BMPR2: variants seen among roughly 807,000 people sequenced by gnomAD.
The protein encoded by BMPR2 is bone morphogenetic protein receptor type 2.
In BMPR2, 29 loss-of-function variants were observed where a neutral mutation model predicts 100.8. That is an observed-to-expected ratio of 0.29 (90% CI 0.21 to 0.39). The LOEUF (loss-of-function observed/expected upper bound fraction) is 0.39, where lower values mean the gene tolerates loss of function less well. Among genes scored for constraint, BMPR2 ranks in the 10% least tolerant of loss-of-function variants. BMPR2 has a pLI of 1.00. For synonymous variants in BMPR2, 382 were observed against 442.3 expected, an observed-to-expected ratio of 0.86 and a Z score of 1.71; for missense variants, 1,011 against 1,274.5, an observed-to-expected ratio of 0.79 and a Z score of 3.15.
chr2:202,391,203 T>C (rs946115359), intron 1 of BMPR2, among the ~76,000 whole-genome samples: 1 of 151,914 alleles, frequency 6.6e-6, no homozygotes, highest in African/African-American at 2.4e-5. Context: ...CTCGAACTCC[T>C]GACCTCAGGT....
intron 11 of BMPR2, among the ~76,000 whole-genome samples, chr2:202,553,480 A>G (rs1013052710): frequency 3.3e-5 from 5 of 152,166 alleles, no homozygotes; most frequent in African/African-American, 7.2e-5. Flanking sequence ...AAGGCTTTTT[A>G]AAAATTCCTA....
At chr2:202,535,541 G>C (rs1206012292) in intron 9 of BMPR2, among the ~76,000 whole-genome samples, 1 of 151,246 alleles carries the variant, frequency 6.6e-6, no homozygotes, top group African/African-American at 2.4e-5. Context: ...GCCAGGAAGA[G>C]GTGCTCCTCA....
chr2:202,384,812 C>T (rs1185090687), intron 1 of BMPR2, among the ~76,000 whole-genome samples: 3 of 151,890 alleles, frequency 2.0e-5, no homozygotes, highest in African/African-American at 7.3e-5. Context: ...AGGCTGGTCT[C>T]GAACTCCCGA....
At chr2:202,486,594 T>G (rs1692783487) in intron 3 of BMPR2, among the ~76,000 whole-genome samples, 1 of 148,036 alleles carries the variant, frequency 6.8e-6, no homozygotes, top group South Asian at 2.1e-4. Context: ...ATCGCATCAC[T>G]GCACCTGGGC....
intron 1 of BMPR2, among the ~76,000 whole-genome samples, chr2:202,447,246 T>C (rs1189622147): frequency 6.7e-6 from 1 of 149,926 alleles, no homozygotes; most frequent in Non-Finnish European, 1.5e-5. Context: ...GAGGTGGAGG[T>C]TGCAGTGATC....
chr2:202,483,328 A>G (rs952478937), intron 3 of BMPR2, among the ~76,000 whole-genome samples: 6 of 151,732 alleles, frequency 4.0e-5, no homozygotes, highest in African/African-American at 1.2e-4. Flanking sequence ...GATTGTATCC[A>G]TAATGTGCAA....
intron 1 of BMPR2, among the ~76,000 whole-genome samples, chr2:202,423,482 G>A (rs114233579): frequency 1.3e-3 from 194 of 152,320 alleles, no homozygotes; most frequent in African/African-American, 4.5e-3. Flanking sequence ...CAGGCACTGT[G>A]GCACACACCT....
rs1688732496 is a variant in BMPR2 at position 202,564,901 on chromosome 2, C to G, written c.*4955C>G. 6.6e-6 allele frequency: 1 copy of G among 152,130 alleles called. No individual in the cohort carries two copies. Among genetic ancestry groups the G allele is most frequent in the Non-Finnish European group, 1.5e-5 (1 of 68,042 alleles). 9.4% of individuals were successfully genotyped at this position (152,130 alleles called of 1,614,324 possible). ...CTCTACTAAAAATACAAATAATTAGCCAGGCATGGTGGCACGCGCCTGTAG... is the reference window on the plus strand; with the variant it reads ...CTCTACTAAAAATACAAATAATTAGGCAGGCATGGTGGCACGCGCCTGTAG... On this transcript the variant is annotated 3_prime_UTR_variant, in exon 13 of 13. Coordinates refer to ENST00000374580, the MANE Select transcript of BMPR2 (RefSeq NM_001204.7).
At chr2:202,536,870 CAAAAA>C (rs34999694) in intron 9 of BMPR2, among the ~76,000 whole-genome samples, 2 of 84,282 alleles carry the variant, frequency 2.4e-5, no homozygotes, top group Non-Finnish European at 2.4e-5. Context: ...AACTCGGTCT[CAAAAA>C]AAAAAAAAAA....
At position 202,556,424 on chromosome 2, in the gene BMPR2, T is replaced by C. The variant is rs148879218; in HGVS notation, c.2759T>C (p.Val920Ala). Reference protein sequence around the residue: ...CSEQDVLAQGVPSTAADPGPS... With the variant: ...CSEQDVLAQGAPSTAADPGPS... ...GAACAAGATGTTCTTGCACAGGGTG[T>C]TCCAAGCACAGCAGCAGATCCTGGG... The change falls in exon 12 of 13, where the codon GTT becomes GCT. Residue 920 changes from valine (V) to alanine (A), a missense_variant. Coordinates refer to ENST00000374580, the MANE Select transcript of BMPR2 (RefSeq NM_001204.7). The C allele has an allele frequency of 5.0e-6, 8 of 1,613,946 alleles. No individual in the cohort carries two copies. The African/African-American group carries it at 1.1e-4, about 22-fold the overall frequency.
intron 12 of BMPR2, among the ~76,000 whole-genome samples, chr2:202,557,738 T>A (rs1167877876): frequency 6.6e-6 from 1 of 152,150 alleles, no homozygotes; most frequent in Non-Finnish European, 1.5e-5. Context: ...AAAAAAGTAA[T>A]ATTTTTGTCA....
intron 3 of BMPR2, among the ~76,000 whole-genome samples, chr2:202,504,142 T>C (rs1687467625): frequency 6.6e-6 from 1 of 152,034 alleles, no homozygotes; most frequent in Non-Finnish European, 1.5e-5. Context: ...GCTCTACCAA[T>C]CAGCAGGACG....
intron 1 of BMPR2, among the ~76,000 whole-genome samples, chr2:202,428,356 A>G (rs1691433918): frequency 6.7e-6 from 1 of 149,574 alleles, no homozygotes; most frequent in South Asian, 2.1e-4. Flanking sequence ...TTGTCCCCGC[A>G]GTCGAGTCTG....
intron 12 of BMPR2, 130 bp from the exon 13 acceptor site, chr2:202,559,566 T>A: frequency 2.0e-6 from 2 of 1,020,930 alleles, no homozygotes; most frequent in East Asian, 5.2e-5. Flanking sequence ...TTGTCTGGCA[T>A]TATGAATTTC....
At chr2:202,455,888 AC>A (rs1261529370) in intron 1 of BMPR2, among the ~76,000 whole-genome samples, 1 of 151,374 alleles carries the variant, frequency 6.6e-6, no homozygotes, top group African/African-American at 2.4e-5. Context: ...ACACAGTGAA[AC>A]CCCGTCTCTA....
intron 3 of BMPR2, among the ~76,000 whole-genome samples, chr2:202,494,196 T>A (rs1328395780): frequency 6.6e-6 from 1 of 152,234 alleles, no homozygotes; most frequent in East Asian, 1.9e-4. Flanking sequence ...TGAATTCACT[T>A]AACTGATCAC....
intron 1 of BMPR2, among the ~76,000 whole-genome samples, chr2:202,461,341 G>T (rs1156732676): frequency 6.6e-6 from 1 of 151,942 alleles, no homozygotes; most frequent in South Asian, 2.1e-4. Context: ...AAAATTAGCC[G>T]GGCGTGGTGA....
At chr2:202,454,849 A>G (rs1388028881) in intron 1 of BMPR2, among the ~76,000 whole-genome samples, 1 of 152,202 alleles carries the variant, frequency 6.6e-6, no homozygotes, top group Non-Finnish European at 1.5e-5. Context: ...ATGTCTTGAA[A>G]CAACAGCAAT....
chr2:202,419,577 G>C (rs2105922740), intron 1 of BMPR2, among the ~76,000 whole-genome samples: 1 of 152,072 alleles, frequency 6.6e-6, no homozygotes, highest in East Asian at 1.9e-4. Flanking sequence ...GGCTGGTCTT[G>C]AACTCCTGAC....
Sources: allele counts gnomAD v4.1 joint callset (sites outside exome capture counted in the v4.1 genomes callset), GRCh38; gene constraint gnomAD v4.1.1; transcripts MANE v1.5; gene names NCBI Gene and HGNC (gene_info 2026-07-23, HGNC 2026-07-21).